Variants in COTL1 observed in about 807,000 individuals in gnomAD.
The protein encoded by COTL1 is coactosin-like protein.
In COTL1, 15 loss-of-function variants were observed where a neutral mutation model predicts 16.5. The observed-to-expected ratio is 0.91, with a 90% CI of 0.61 to 1.40. The LOEUF is 1.40. Ranked by LOEUF, COTL1 falls within the 40% of genes most tolerant of loss-of-function variation. COTL1 has a pLI of 0.00. For synonymous variants in COTL1, 112 were observed against 85.3 expected, an observed-to-expected ratio of 1.31 and a Z score of -1.73; for missense variants, 220 against 201.5, an observed-to-expected ratio of 1.09 and a Z score of -0.56.
chr16:84,587,786 ATTTATTTAT>A (rs1339903500), intron 3 of COTL1, among the ~76,000 whole-genome samples: 6 of 151,728 alleles, frequency 4.0e-5, no homozygotes, highest in African/African-American at 7.3e-5. Flanking sequence ...TTATTTATTT[ATTTATTTAT>A]TTTATTTATT....
chr16:84,604,934 AGACCTCCAAAGGC>A (rs1905182373), intron 2 of COTL1, among the ~76,000 whole-genome samples: 1 of 152,256 alleles, frequency 6.6e-6, no homozygotes. Context: ...GGGTCAGAGC[AGACCTCCAAAGGC>A]GAGCCCTGCA....
At chr16:84,594,498 G>A (rs576722407) in intron 2 of COTL1, 2 of 152,404 alleles carry the variant, frequency 1.3e-5, no homozygotes, top group South Asian at 2.1e-4. Context: ...TGGGAAGCCA[G>A]GGCTCTGTTT....
intron 3 of COTL1, chr16:84,567,233 T>G (rs1171750038): frequency 1.5e-5 from 5 of 344,204 alleles, no homozygotes; most frequent in African/African-American, 1.1e-4. Context: ...CCGAGGAAGC[T>G]GGGGCTTGAA....
intron 2 of COTL1, among the ~76,000 whole-genome samples, chr16:84,612,104 C>G (rs1300018690): frequency 6.6e-6 from 1 of 152,132 alleles, no homozygotes; most frequent in African/African-American, 2.4e-5. Flanking sequence ...ATTCCAAAAA[C>G]AAAAATGGCA....
At chr16:84,579,290 A>G (rs1205865950) in intron 3 of COTL1, among the ~76,000 whole-genome samples, 1 of 152,232 alleles carries the variant, frequency 6.6e-6, no homozygotes, top group East Asian at 1.9e-4. Flanking sequence ...TGAGGTCAGG[A>G]GTTCGCGACC....
At chr16:84,616,662 G>T (rs1008438196) in intron 2 of COTL1, among the ~76,000 whole-genome samples, 1 of 152,126 alleles carries the variant, frequency 6.6e-6, no homozygotes, top group Non-Finnish European at 1.5e-5. Flanking sequence ...TCTTTAAAAG[G>T]TCCCATTACC....
intron 2 of COTL1, among the ~76,000 whole-genome samples, chr16:84,617,165 G>A (rs1054464913): frequency 8.8e-6 from 1 of 114,250 alleles, no homozygotes; most frequent in Non-Finnish European, 1.7e-5. Flanking sequence ...CTGATCAAAG[G>A]GGACAGTGGG....
chr16:84,607,322 G>A (rs1481196777), intron 2 of COTL1, among the ~76,000 whole-genome samples: 1 of 152,166 alleles, frequency 6.6e-6, no homozygotes, highest in Non-Finnish European at 1.5e-5. Context: ...CAGGCCTAGG[G>A]AAGCGGGAAG....
intron 2 of COTL1, among the ~76,000 whole-genome samples, chr16:84,608,847 G>A (rs1905263126): frequency 6.6e-6 from 1 of 152,226 alleles, no homozygotes; most frequent in Non-Finnish European, 1.5e-5. Flanking sequence ...AGAGGTTGCA[G>A]TGAGCCAAGA....
At chr16:84,601,227 T>A (rs1448239767) in intron 2 of COTL1, among the ~76,000 whole-genome samples, 1 of 152,212 alleles carries the variant, frequency 6.6e-6, no homozygotes, top group African/African-American at 2.4e-5. Context: ...AAACACTTAC[T>A]GACAATCTGT....
chr16:84,583,832 T>A (rs1326320103), intron 3 of COTL1, among the ~76,000 whole-genome samples: 3 of 152,152 alleles, frequency 2.0e-5, no homozygotes, highest in African/African-American at 4.8e-5. Flanking sequence ...ACGTCCATCC[T>A]TCCCACCTCC....
At chr16:84,607,035 G>C (rs1350584862) in intron 2 of COTL1, among the ~76,000 whole-genome samples, 1 of 152,192 alleles carries the variant, frequency 6.6e-6, no homozygotes, top group East Asian at 1.9e-4. Context: ...CACACCCATG[G>C]GGGAAAGAGA....
Position 84,617,587 on chromosome 16 carries a change from T to C in COTL1, c.78-4A>G. On this transcript the variant is annotated splice_region_variant and splice_polypyrimidine_tract_variant and intron_variant, in intron 1 of 3. Transcript: ENST00000262428. ...GCCGTCATATTTAAAAGTCACCCTT[T>C]GGGTTGGGAGAAGAAAAAAACACAC... The C allele has an allele frequency of 6.4e-7, 1 of 1,553,502 alleles. No homozygotes were observed.
intron 2 of COTL1, among the ~76,000 whole-genome samples, chr16:84,598,407 C>G (rs16974245): frequency 0.011 from 1,631 of 152,266 alleles, 31 homozygotes; most frequent in African/African-American, 0.038. Context: ...GTCATCTCTT[C>G]AAGGTTCTCT....
intron 2 of COTL1, among the ~76,000 whole-genome samples, chr16:84,599,496 C>G (rs994158627): frequency 1.3e-5 from 2 of 152,236 alleles, no homozygotes; most frequent in Admixed American, 6.5e-5. Flanking sequence ...GCTACTTTCA[C>G]ATCTGTCTGG....
rs142212245 is a variant in COTL1, at chr16:84,567,260, G to A, written c.319-305C>T. The stretch of plus-strand genomic sequence containing the variant: ...GGGCTTGAATTTGGGCTGTTACCTT[G>A]GCCAAGTCCCTTCAATTCTCTGTGC... On this transcript the variant is annotated intron_variant, in intron 3 of 3. Transcript: ENST00000262428. 6.0e-5 allele frequency: 17 copies of A among 285,314 alleles called. No homozygotes were observed. The East Asian group carries it at 1.4e-3, about 24-fold the overall frequency. The allele number at this position is 285,314 out of a possible 1,614,324, so 17.7% of individuals were successfully genotyped here. A position where few individuals can be genotyped will look rare whatever the true frequency, so the allele number is the denominator to read the frequency against.
intron 2 of COTL1, chr16:84,616,024 TTTTA>T (rs1214319263): frequency 6.6e-6 from 1 of 152,204 alleles, no homozygotes; most frequent in Non-Finnish European, 1.5e-5. Context: ...ATTTTGTACT[TTTTA>T]TTTATTTCGC....
chr16:84,573,914 G>C (rs991803419), intron 3 of COTL1, among the ~76,000 whole-genome samples: 2 of 152,128 alleles, frequency 1.3e-5, no homozygotes, highest in African/African-American at 4.8e-5. Flanking sequence ...CAAGCACTTT[G>C]GGAGGTCGAG....
intron 2 of COTL1, among the ~76,000 whole-genome samples, chr16:84,602,990 G>C (rs1406769374): frequency 6.6e-6 from 1 of 152,190 alleles, no homozygotes; most frequent in Admixed American, 6.5e-5. Context: ...GTAGCCCAGA[G>C]GGACGCAGCT....
Sources: allele counts gnomAD v4.1 joint callset (sites outside exome capture counted in the v4.1 genomes callset), GRCh38; gene constraint gnomAD v4.1.1; transcripts MANE v1.5; gene names NCBI Gene and HGNC (gene_info 2026-07-23, HGNC 2026-07-21).